The following ITGBL1 variants were observed in gnomAD, a reference collection of about 807,000 sequenced individuals.
ITGBL1 encodes the protein integrin beta-like protein 1.
In ITGBL1, 51 loss-of-function variants were observed where a neutral mutation model predicts 68.5. That is an observed-to-expected ratio of 0.74 (90% CI 0.59 to 0.94). The LOEUF (loss-of-function observed/expected upper bound fraction) is 0.94. Ranked by LOEUF, ITGBL1 falls within the 40% of genes least tolerant of loss-of-function variation. ITGBL1 has a pLI of 0.00. For synonymous variants in ITGBL1, 209 were observed against 227.3 expected, an observed-to-expected ratio of 0.92 and a Z score of 0.72; for missense variants, 649 against 647.4, an observed-to-expected ratio of 1.00 and a Z score of -0.03.
intron 2 of ITGBL1, among the ~76,000 whole-genome samples, chr13:101,538,382 T>C (rs1451894609): frequency 6.6e-6 from 1 of 151,952 alleles, no homozygotes; most frequent in Non-Finnish European, 1.5e-5. Context: ...TCTAGAAAAG[T>C]TTCCTCTCCC....
At chr13:101,480,290 A>G (rs1012508742) in intron 2 of ITGBL1, among the ~76,000 whole-genome samples, 1 of 152,080 alleles carries the variant, frequency 6.6e-6, no homozygotes, top group Non-Finnish European at 1.5e-5. Context: ...TCATGGATAC[A>G]GAGAGTAGAA....
chr13:101,674,412 A>T (rs1334806623), intron 7 of ITGBL1, among the ~76,000 whole-genome samples: 1 of 152,182 alleles, frequency 6.6e-6, no homozygotes, highest in African/African-American at 2.4e-5. Flanking sequence ...TCCTGAGTAA[A>T]CTTACTATCT....
At chr13:101,608,947 A>G (rs1384226058) in intron 7 of ITGBL1, among the ~76,000 whole-genome samples, 1 of 152,058 alleles carries the variant, frequency 6.6e-6, no homozygotes, top group Non-Finnish European at 1.5e-5. Context: ...TTTCAGAAGG[A>G]AAGGCCTGGA....
At chr13:101,539,050 CTTTTTTTTT>C (rs35288585) in intron 2 of ITGBL1, among the ~76,000 whole-genome samples, 2 of 99,624 alleles carry the variant, frequency 2.0e-5, no homozygotes, top group East Asian at 3.5e-4. Context: ...TGTGCTGCTT[CTTTTTTTTT>C]TTTTTTTTTT....
chr13:101,469,644 T>C (rs34320645), intron 2 of ITGBL1, among the ~76,000 whole-genome samples: 98,509 of 151,938 alleles, frequency 0.65, 32,899 homozygotes, highest in Non-Finnish European at 0.73. Context: ...GATCACACCA[T>C]TGTACTCCAG....
rs1287036476 is a variant in ITGBL1 at position 101,454,074 on chromosome 13, A to G, written c.290A>G (p.Glu97Gly). The part of the protein sequence containing the change: ...PLCECHEWVC[E>G]TYDGSTCAGH... ...TGTGAGTGCCATGAGTGGGTGTGCG[A>G]GACCTACGACGGGAGCACCTGTGCA... Residue 97 changes from glutamate (E) to glycine (G), a missense_variant, in exon 2 of 11, where the codon GAG (glutamate) becomes GGG (glycine). Physicochemically the swap from Glu to Gly is moderately conservative, Grantham distance 98. Transcript: ENST00000376180. 6.3e-7 allele frequency: 1 copy of G among 1,585,254 alleles called. No homozygotes were observed. Among genetic ancestry groups the G allele is most frequent in the South Asian group, 1.2e-5 (1 of 85,970 alleles).
chr13:101,660,185 G>A (rs1328429077), intron 7 of ITGBL1, among the ~76,000 whole-genome samples: 2 of 152,180 alleles, frequency 1.3e-5, no homozygotes, highest in African/African-American at 2.4e-5. Flanking sequence ...GCCACACCAC[G>A]TGGGAGACAG....
At chr13:101,668,186 G>A (rs1034669507) in intron 7 of ITGBL1, among the ~76,000 whole-genome samples, 67 of 152,178 alleles carry the variant, frequency 4.4e-4, no homozygotes, top group African/African-American at 1.3e-3. Context: ...TCAAGAGTTC[G>A]AGACCAGCCT....
intron 2 of ITGBL1, among the ~76,000 whole-genome samples, chr13:101,555,726 G>A (rs2049994555): frequency 6.6e-6 from 1 of 151,996 alleles, no homozygotes; most frequent in Non-Finnish European, 1.5e-5. Context: ...ACATTGGTTA[G>A]CACTTTAAAG....
intron 7 of ITGBL1, among the ~76,000 whole-genome samples, chr13:101,658,386 G>T (rs546813146): frequency 1.8e-4 from 27 of 152,210 alleles, no homozygotes; most frequent in Non-Finnish European, 1.0e-4. Context: ...AACAGTATTT[G>T]TTCCTAAAGC....
chr13:101,495,438 T>A (rs9518422), intron 2 of ITGBL1, among the ~76,000 whole-genome samples: 8,381 of 152,196 alleles, frequency 0.055, 281 homozygotes, highest in East Asian at 0.17. Context: ...CCTAGAGTCC[T>A]CTCATGAAAA....
In ITGBL1 at chr13:101,658,395, G is replaced by A. The variant is rs183400485; in HGVS notation, c.1016-34190G>A. Among the ~76,000 whole-genome samples, 607 of 152,148 alleles carry A rather than the reference G, an allele frequency of 4.0e-3. 4 individuals carry two copies. Among genetic ancestry groups the A allele is most frequent in the Admixed American group, 7.1e-3 (108 of 15,282 alleles). ...AACATTAACAGTATTTGTTCCTAAA[G>A]CTATGTTTAATAAGGAATTTTCTGC... On this transcript the variant is annotated intron_variant, in intron 7 of 10. Coordinates refer to ENST00000376180, the MANE Select transcript of ITGBL1 (RefSeq NM_004791.3).
downstream of ITGBL1, chr13:101,717,501 A>G (rs1474865310): frequency 1.3e-5 from 2 of 152,116 alleles, no homozygotes; most frequent in African/African-American, 4.8e-5. Flanking sequence ...TTTTGTAGCA[A>G]TTTTGATGAC....
chr13:101,465,012 A>G (rs973453746), intron 2 of ITGBL1, among the ~76,000 whole-genome samples: 2 of 152,208 alleles, frequency 1.3e-5, no homozygotes, highest in Non-Finnish European at 2.9e-5. Flanking sequence ...AATGAATGCC[A>G]TGAAAACAAT....
chr13:101,627,606 C>T (rs184438336), intron 7 of ITGBL1, among the ~76,000 whole-genome samples: 270 of 152,260 alleles, frequency 1.8e-3, no homozygotes, highest in Non-Finnish European at 2.1e-3. Context: ...ATCCCCTGTG[C>T]TCCACCTGTT....
At chr13:101,531,188 A>C (rs1173486162) in intron 2 of ITGBL1, among the ~76,000 whole-genome samples, 1 of 152,200 alleles carries the variant, frequency 6.6e-6, no homozygotes, top group Non-Finnish European at 1.5e-5. Context: ...AGTTGGTTCT[A>C]ATCAGAAATT....
chr13:101,595,389 A>G (rs1191213203), intron 6 of ITGBL1, among the ~76,000 whole-genome samples: 1 of 152,154 alleles, frequency 6.6e-6, no homozygotes, highest in Non-Finnish European at 1.5e-5. Flanking sequence ...ATCTGCCCCC[A>G]TAGTCAAAAC....
At chr13:101,522,511 G>A (rs9582501) in intron 2 of ITGBL1, among the ~76,000 whole-genome samples, 3,255 of 152,198 alleles carry the variant, frequency 0.021, 120 homozygotes, top group African/African-American at 0.074. Flanking sequence ...GATCAGAACC[G>A]TGATTTAGGA....
intron 7 of ITGBL1, among the ~76,000 whole-genome samples, chr13:101,656,057 G>A (rs746891942): frequency 2.6e-5 from 4 of 152,094 alleles, no homozygotes; most frequent in East Asian, 1.9e-4. Context: ...AACGAGGTGG[G>A]GGAGGGGGGC....
Sources: allele counts gnomAD v4.1 joint callset (sites outside exome capture counted in the v4.1 genomes callset), GRCh38; gene constraint gnomAD v4.1.1; transcripts MANE v1.5; gene names NCBI Gene and HGNC (gene_info 2026-07-23, HGNC 2026-07-21).